Variants in KIAA1217 observed in about 807,000 individuals in gnomAD.
KIAA1217 encodes the protein sickle tail protein homolog.
A neutral mutation model predicts 163.9 loss-of-function variants in KIAA1217; 88 were observed. That is an observed-to-expected ratio of 0.54 (90% CI 0.45 to 0.64). KIAA1217 has a LOEUF of 0.64. Among genes scored for constraint, KIAA1217 ranks in the 30% least tolerant of loss-of-function variants. The pLI, the probability that KIAA1217 is intolerant of heterozygous loss-of-function variation, is 0.00. For synonymous variants in KIAA1217, 903 were observed against 923.1 expected (o/e 0.98, Z 0.39); for missense variants, 2,372 against 2,475.0 (o/e 0.96, Z 0.88).
chr10:23,842,035 C>G (rs904694483), intron 1 of KIAA1217, among the ~76,000 whole-genome samples: 2 of 151,644 alleles, frequency 1.3e-5, no homozygotes, highest in African/African-American at 4.8e-5. Context: ...ACTTGGCTAA[C>G]TTTTGTATTT....
Position 23,953,360 on chromosome 10 carries a change from GCTTA to G in KIAA1217, c.-320-53864_-320-53861del, listed in dbSNP as rs1589135764. Among the ~76,000 whole-genome samples, 4 of 152,320 alleles carry G rather than the reference GCTTA, an allele frequency of 2.6e-5. No homozygotes were observed. In the East Asian group the frequency reaches 7.7e-4, roughly 29 times the overall value. On this transcript the variant is annotated intron_variant, in intron 1 of 18. Coordinates refer to the KIAA1217 transcript ENST00000376462. The stretch of plus-strand genomic sequence containing the variant: ...GTCTCAGGAATCCAGGGTCCTTTCA[GCTTA>G]AGACATTATCTCAATATATGGCTCT...
rs1010169749 is a variant in KIAA1217, at chr10:24,224,913, G to A, written c.354+5004G>A. Among the ~76,000 whole-genome samples, 4 of 141,250 alleles carry A rather than the reference G, an allele frequency of 2.8e-5. 1 individual carries two copies. Among genetic ancestry groups the A allele is most frequent in the South Asian group, 4.7e-4 (2 of 4,286 alleles). 92.7% of individuals were successfully genotyped at this position (141,250 alleles called of 152,430 possible). ...GCAGTCTCGGCTTACTGCAAGCTCC[G>A]CCTCCCAGGTTCACGCCATTCTCCT... On this transcript the variant is annotated intron_variant, in intron 2 of 20. Coordinates refer to ENST00000376454, the MANE Select transcript of KIAA1217 (RefSeq NM_019590.5).
intron 1 of KIAA1217, among the ~76,000 whole-genome samples, chr10:23,739,404 T>A (rs9730877): frequency 0.23 from 34,873 of 152,032 alleles, 4,338 homozygotes; most frequent in African/African-American, 0.32. Flanking sequence ...TTTAAAAAAG[T>A]AGATAAAGAT....
intron 2 of KIAA1217, among the ~76,000 whole-genome samples, chr10:24,164,500 C>T (rs2065256706): frequency 6.6e-6 from 1 of 152,206 alleles, no homozygotes; most frequent in Non-Finnish European, 1.5e-5. Context: ...GTTACTGCCA[C>T]ATCTCCAGTC....
intron 1 of KIAA1217, among the ~76,000 whole-genome samples, chr10:23,987,344 T>G (rs1846017746): frequency 1.6e-5 from 2 of 128,286 alleles, no homozygotes; most frequent in Non-Finnish European, 3.1e-5. Flanking sequence ...AACACCGCAC[T>G]CCAGCCTGGG....
intron 1 of KIAA1217, among the ~76,000 whole-genome samples, chr10:23,905,479 AG>A (rs1413482260): frequency 1.2e-4 from 19 of 152,158 alleles, no homozygotes; most frequent in African/African-American, 4.1e-4. Flanking sequence ...GTCTTCAAAA[AG>A]GTTCAGTCAT....
chr10:24,480,622 T>C (rs1293217747), intron 6 of KIAA1217, among the ~76,000 whole-genome samples: 1 of 152,114 alleles, frequency 6.6e-6, no homozygotes, highest in Non-Finnish European at 1.5e-5. Context: ...TATGGCAGCC[T>C]GGGATATACT....
At chr10:23,997,765 T>C (rs1005437755) in intron 1 of KIAA1217, among the ~76,000 whole-genome samples, 2 of 152,102 alleles carry the variant, frequency 1.3e-5, no homozygotes, top group Non-Finnish European at 2.9e-5. Context: ...ATCAGGGCCC[T>C]GTATATTCTT....
intron 3 of KIAA1217, among the ~76,000 whole-genome samples, chr10:24,402,518 AAAAACAAAAC>A (rs1158224374): frequency 1.6e-5 from 2 of 125,690 alleles, no homozygotes; most frequent in Non-Finnish European, 3.3e-5. Flanking sequence ...CAAAAAAACA[AAAAACAAAAC>A]AAAAAAAAAA....
At chr10:24,347,627 A>G (rs1414684) in intron 2 of KIAA1217, among the ~76,000 whole-genome samples, 104,013 of 151,958 alleles carry the variant, frequency 0.68, 35,836 homozygotes, top group East Asian at 0.79. Context: ...GGATTACTCT[A>G]TTGGCATTCA....
chr10:24,124,030 C>T (rs2063380698), intron 2 of KIAA1217, among the ~76,000 whole-genome samples: 3 of 152,114 alleles, frequency 2.0e-5, no homozygotes, highest in Admixed American at 2.0e-4. Context: ...TATCTTTTAT[C>T]ATATAGAAGT....
intron 2 of KIAA1217, among the ~76,000 whole-genome samples, chr10:24,168,407 G>A (rs2065458564): frequency 6.6e-6 from 1 of 152,144 alleles, no homozygotes; most frequent in African/African-American, 2.4e-5. Context: ...TCCTGAGTTT[G>A]ACTACAGCAT....
intron 3 of KIAA1217, among the ~76,000 whole-genome samples, chr10:24,413,389 C>T (rs961067900): frequency 6.6e-6 from 1 of 152,164 alleles, no homozygotes; most frequent in African/African-American, 2.4e-5. Flanking sequence ...TCAGGCTGGT[C>T]TCCTACTCCT....
intron 6 of KIAA1217, among the ~76,000 whole-genome samples, chr10:24,486,239 G>A (rs767288251): frequency 1.3e-5 from 2 of 152,168 alleles, no homozygotes; most frequent in Non-Finnish European, 2.9e-5. Context: ...GTTAAAACAT[G>A]AGACCTTTCA....
chr10:24,098,760 T>TGTGTG (rs1554865618), intron 2 of KIAA1217, among the ~76,000 whole-genome samples: 10 of 146,830 alleles, frequency 6.8e-5, no homozygotes, highest in South Asian at 4.4e-4. Flanking sequence ...TGTGTGTGTG[T>TGTGTG]TAGAGAGAGA....
intron 1 of KIAA1217, among the ~76,000 whole-genome samples, chr10:23,785,630 A>G (rs913250267): frequency 6.6e-6 from 1 of 152,196 alleles, no homozygotes; most frequent in Non-Finnish European, 1.5e-5. Flanking sequence ...GAACATGGAC[A>G]TGTTATTTAA....
intron 1 of KIAA1217, among the ~76,000 whole-genome samples, chr10:23,945,743 C>T (rs1244320891): frequency 6.6e-6 from 1 of 152,046 alleles, no homozygotes; most frequent in African/African-American, 2.4e-5. Flanking sequence ...GGAAATGATT[C>T]TCCTGTACTT....
intron 2 of KIAA1217, among the ~76,000 whole-genome samples, chr10:24,150,579 G>C (rs2064561637): frequency 6.6e-6 from 1 of 152,180 alleles, no homozygotes; most frequent in Non-Finnish European, 1.5e-5. Flanking sequence ...TGTCCTGATA[G>C]AGTGTAAGTA....
intron 3 of KIAA1217, among the ~76,000 whole-genome samples, chr10:24,396,704 G>C (rs1294815409): frequency 1.3e-5 from 2 of 152,154 alleles, no homozygotes; most frequent in African/African-American, 2.4e-5. Flanking sequence ...CCGAGAAAGA[G>C]CATGCCTGGA....
Sources: gnomAD v4.1 joint callset for allele counts (sites outside exome capture counted in the v4.1 genomes callset) on GRCh38, gnomAD v4.1.1 for gene constraint, MANE v1.5 for transcripts, NCBI Gene and HGNC (gene_info 2026-07-23, HGNC 2026-07-21) for gene names.